Variants in C11orf65 observed in about 807,000 individuals in gnomAD.
C11orf65 encodes chromosome 11 open reading frame 65, also known as protein MFI.
Under a neutral mutation model 35.3 loss-of-function variants are expected in C11orf65, and 38 were observed. The observed-to-expected ratio is 1.08, with a 90% CI of 0.83 to 1.41. C11orf65 has a LOEUF of 1.41. Ranked by LOEUF, C11orf65 falls within the 40% of genes most tolerant of loss-of-function variation. The pLI is 0.00. For synonymous variants in C11orf65, 105 were observed against 114.4 expected (o/e 0.92, Z 0.53); for missense variants, 370 against 367.1 (o/e 1.01, Z -0.06).
At chr11:108,429,595 A>C (rs761914030) in intron 3 of C11orf65, among the ~76,000 whole-genome samples, 1 of 152,210 alleles carries the variant, frequency 6.6e-6, no homozygotes, top group Non-Finnish European at 1.5e-5. Flanking sequence ...GTTCCTAAAA[A>C]ACTTAAAAAT....
chr11:108,457,393 C>T (rs2135721504), intron 2 of C11orf65, among the ~76,000 whole-genome samples: 1 of 152,178 alleles, frequency 6.6e-6, no homozygotes, highest in Non-Finnish European at 1.5e-5. Flanking sequence ...CCTGTAATCC[C>T]AGCACTTAGG....
In C11orf65 at chr11:108,312,419, C is replaced by T. The variant is rs1197973623; in HGVS notation, c.641-3348G>A. The T allele has an allele frequency of 6.3e-7, 1 of 1,590,942 alleles. No homozygotes were observed. Among genetic ancestry groups the T allele is most frequent in the Non-Finnish European group, 8.6e-7 (1 of 1,159,282 alleles). ...GTTCTTGTGACAAACAGAAGTCTTG[C>T]ATTTGAAGAAGGAAGCCAGAGTACA... On this transcript the variant is annotated intron_variant, in intron 6 of 6. Transcript: ENST00000525729.
intron 2 of C11orf65, among the ~76,000 whole-genome samples, chr11:108,374,198 TGACCC>T (rs2091651975): frequency 2.1e-5 from 1 of 47,250 alleles, no homozygotes; most frequent in South Asian, 1.2e-3. Context: ...AGTAGGTCCC[TGACCC>T]CTGACCCCTG....
chr11:108,408,689 A>AAAAAAATAAAATAAAATAAAATAAAAT lies in C11orf65; in HGVS notation c.175-1541_175-1540insATTTTATTTTATTTTATTTTATTTTTT, dbSNP rs1565659848. On this transcript the variant is annotated intron_variant, in intron 3 of 8. Coordinates refer to ENST00000393084, the MANE Select transcript of C11orf65 (RefSeq NM_152587.5). ...TCTGTCTCAATAAATAAAATAAAAT[A>AAAAAAATAAAATAAAATAAAATAAAAT]AAATAAAATAAAATAAAATAAAATA... Among the ~76,000 whole-genome samples the AAAAAAATAAAATAAAATAAAATAAAAT allele has an allele frequency of 3.6e-3, 317 of 86,950 alleles. 4 individuals are homozygous for AAAAAAATAAAATAAAATAAAATAAAAT. The highest frequency in any genetic ancestry group is 0.017 in the African/African-American group (289 of 16,648). 57.0% of individuals were successfully genotyped at this position (86,950 alleles called of 152,430 possible).
At position 108,343,338 on chromosome 11, in the gene C11orf65, T is replaced by C. The variant is rs1251164631; in HGVS notation, c.227-8046A>G. On this transcript the variant is annotated intron_variant, in intron 2 of 3. Coordinates refer to the C11orf65 transcript ENST00000524755. ...CTCATAAAAGATACAGGCCAAATGA[T>C]TTCAGTGCCTTTCAGTGCCAAAAGA... 6.2e-7 allele frequency: 1 copy of C among 1,613,816 alleles called. No homozygotes were observed. Among genetic ancestry groups the C allele is most frequent in the Admixed American group, 1.7e-5 (1 of 59,960 alleles).
intron 2 of C11orf65, among the ~76,000 whole-genome samples, chr11:108,454,394 G>A (rs1169040832): frequency 6.6e-6 from 1 of 151,592 alleles, no homozygotes; most frequent in Non-Finnish European, 1.5e-5. Context: ...TGCCCCCTGG[G>A]TTCAAGTGAT....
chr11:108,331,150 A>G, downstream of C11orf65: 3 of 1,107,094 alleles, frequency 2.7e-6, no homozygotes, highest in Non-Finnish European at 3.3e-6. Context: ...TCACACTCAG[A>G]TCACATTTGT....
At chr11:108,417,844 C>T (rs1238987977) in intron 3 of C11orf65, among the ~76,000 whole-genome samples, 1 of 151,958 alleles carries the variant, frequency 6.6e-6, no homozygotes, top group Admixed American at 6.6e-5. Context: ...TGCAGCAAAC[C>T]ACCATGGCAA....
rs540929436 is a variant in C11orf65, at chr11:108,467,157, T to C, written c.-10+314A>G. Among the ~76,000 whole-genome samples, 3 of 151,778 alleles carry C rather than the reference T, an allele frequency of 2.0e-5. No homozygotes were observed. The South Asian group carries it at 6.3e-4, about 32-fold the overall frequency. ...GACGGAGTAATATCTTTGCGGAGGA[T>C]TGGGGTGTGGGGATCTGTGAAGGCG... On this transcript the variant is annotated intron_variant, in intron 1 of 8. Transcript: ENST00000393084.
chr11:108,403,625 T>C (rs1267554877), intron 6 of C11orf65, among the ~76,000 whole-genome samples: 1 of 152,168 alleles, frequency 6.6e-6, no homozygotes, highest in Non-Finnish European at 1.5e-5. Context: ...TACTTTTAGA[T>C]GCTTTATGGT....
At chr11:108,354,398 C>T (rs2089625277) in intron 2 of C11orf65, among the ~76,000 whole-genome samples, 1 of 152,118 alleles carries the variant, frequency 6.6e-6, no homozygotes, top group African/African-American at 2.4e-5. Context: ...TTTATAGGAG[C>T]TTGTGTTCTA....
rs536244987 is a variant in C11orf65, at chr11:108,377,036, A to T, written c.226+16172T>A. ...CCAGGACCAGATGGATTCACAGCCG[A>T]ATTCTACCAGAGGTACAAGGAGGAA... On this transcript the variant is annotated intron_variant, in intron 2 of 3. Transcript: ENST00000524755. Among the ~76,000 whole-genome samples, 102 of 151,874 alleles carry T rather than the reference A, an allele frequency of 6.7e-4. 3 individuals are homozygous for T. The South Asian group carries it at 0.02, about 30-fold the overall frequency.
Position 108,310,284 on chromosome 11 carries a change from G to A in C11orf65, c.641-1213C>T, listed in dbSNP as rs864622148. ...TTTACTCTATGCAGAAATCTATGCA[G>A]ATAAGAAAAGTATGGATGATCAAGA... On this transcript the variant is annotated intron_variant, in intron 6 of 6. Transcript: ENST00000525729. 1 of 1,613,458 alleles carries A rather than the reference G, an allele frequency of 6.2e-7. No individual in the cohort carries two copies. The highest frequency in any genetic ancestry group is 8.5e-7 in the Non-Finnish European group (1 of 1,179,676).
intron 2 of C11orf65, chr11:108,345,690 A>C (rs533874867): frequency 7.5e-6 from 10 of 1,331,696 alleles, no homozygotes; most frequent in Admixed American, 2.1e-5. Flanking sequence ...TGTGTATATT[A>C]GTTTAATTGA....
At chr11:108,376,009 A>G (rs1490612692) in intron 2 of C11orf65, among the ~76,000 whole-genome samples, 2 of 152,170 alleles carry the variant, frequency 1.3e-5, no homozygotes, top group African/African-American at 4.8e-5. Flanking sequence ...ACCTACAAAG[A>G]GACTTAGACT....
At chr11:108,325,606 C>T in intron 6 of C11orf65, 1 of 1,367,980 alleles carries the variant, frequency 7.3e-7, no homozygotes, top group Non-Finnish European at 1.0e-6. Flanking sequence ...ATTTAAAAAA[C>T]AGAAAGCCTG....
intron 2 of C11orf65, among the ~76,000 whole-genome samples, chr11:108,360,674 A>G (rs1211275969): frequency 1.5e-3 from 217 of 148,612 alleles, no homozygotes; most frequent in African/African-American, 5.3e-3. Flanking sequence ...TCCAGCATAT[A>G]AACAGAACCA....
intron 2 of C11orf65, among the ~76,000 whole-genome samples, chr11:108,363,984 G>A (rs1320037113): frequency 6.6e-6 from 1 of 152,170 alleles, no homozygotes; most frequent in Non-Finnish European, 1.5e-5. Context: ...AGCCATGTCA[G>A]TGCCCAACTT....
At chr11:108,444,499 G>C (rs4753843) in intron 2 of C11orf65, among the ~76,000 whole-genome samples, 27,564 of 152,060 alleles carry the variant, frequency 0.18, 2,888 homozygotes, top group African/African-American at 0.27. Context: ...ACCAAAGCCT[G>C]GCAGAGACAC....
Sources: gnomAD v4.1 joint callset for allele counts (sites outside exome capture counted in the v4.1 genomes callset) on GRCh38, gnomAD v4.1.1 for gene constraint, MANE v1.5 for transcripts, NCBI Gene and HGNC (gene_info 2026-07-23, HGNC 2026-07-21) for gene names.